SERPINB11: variants seen among roughly 807,000 people sequenced by gnomAD.
SERPINB11 encodes the protein serpin family B member 11.
In SERPINB11, 32 loss-of-function variants were observed where a neutral mutation model predicts 36.7. The ratio of observed to expected loss-of-function variants is 0.87; its 90% confidence interval spans 0.66 to 1.17. SERPINB11 has a LOEUF of 1.17. SERPINB11 is among the 50% of genes most tolerant of loss of function. SERPINB11 has a pLI of 0.00. For missense variants in SERPINB11, 528 were observed against 458.4 expected, an observed-to-expected ratio of 1.15 and a Z score of -1.39; for synonymous variants, 174 against 168.1, an observed-to-expected ratio of 1.04 and a Z score of -0.27.
chr18:63,709,536 A>T (rs901435961), intron 1 of SERPINB11, among the ~76,000 whole-genome samples: 18 of 152,156 alleles, frequency 1.2e-4, no homozygotes, highest in Admixed American at 4.6e-4. Flanking sequence ...GCATGAACCC[A>T]GGAGGCGGAG....
chr18:63,710,705 A>T (rs533235585), intron 2 of SERPINB11, among the ~76,000 whole-genome samples: 27 of 152,202 alleles, frequency 1.8e-4, no homozygotes, highest in Non-Finnish European at 3.4e-4. Context: ...AATAAACATA[A>T]TGCTATTTTA....
chr18:63,707,239 G>A (rs1914394996), intron 1 of SERPINB11, among the ~76,000 whole-genome samples: 1 of 152,176 alleles, frequency 6.6e-6, no homozygotes, highest in Non-Finnish European at 1.5e-5. Flanking sequence ...GCTGAATGGT[G>A]GGCAACCAAC....
intron 1 of SERPINB11, chr18:63,705,250 T>C (rs985621080): frequency 6.6e-6 from 1 of 152,090 alleles, no homozygotes; most frequent in Non-Finnish European, 1.5e-5. Flanking sequence ...ATGTTTTTAA[T>C]TTTTTTGTAG....
chr18:63,715,498 C>T (rs189444274), intron 4 of SERPINB11, among the ~76,000 whole-genome samples: 5 of 152,260 alleles, frequency 3.3e-5, no homozygotes, highest in Non-Finnish European at 7.4e-5. Flanking sequence ...TATTTTTGTT[C>T]ACACTTTACA....
intron 4 of SERPINB11, 126 bp from the exon 5 acceptor site, chr18:63,715,909 C>T (rs550797046): frequency 2.2e-5 from 12 of 551,218 alleles, no homozygotes; most frequent in Non-Finnish European, 3.2e-5. Context: ...ATCCTGTTTC[C>T]TCTCAGACTT....
At chr18:63,711,147 C>T (rs1172484459) in intron 2 of SERPINB11, among the ~76,000 whole-genome samples, 188 bp from the exon 3 acceptor site, 1 of 152,136 alleles carries the variant, frequency 6.6e-6, no homozygotes, top group Non-Finnish European at 1.5e-5. Context: ...AGTATCTACT[C>T]ATAAAGTTGT....
chr18:63,710,122 A>C (rs1312879351), intron 1 of SERPINB11, 57 bp from the exon 2 acceptor site: 16 of 1,383,156 alleles, frequency 1.2e-5, no homozygotes, highest in Non-Finnish European at 1.4e-5. Context: ...ACTGAACTCC[A>C]GATACTATCT....
chr18:63,719,276 T>C (rs1914744294), intron 5 of SERPINB11, among the ~76,000 whole-genome samples: 1 of 152,106 alleles, frequency 6.6e-6, no homozygotes, highest in Admixed American at 6.6e-5. Context: ...AAATATACAT[T>C]GTATGCTTAA....
At position 63,723,476 on chromosome 18, in the gene SERPINB11, G is replaced by A. The variant is rs1337147188; in HGVS notation, c.*77G>A. The A allele has an allele frequency of 3.6e-6, 5 of 1,385,280 alleles. No homozygotes were observed. In the East Asian group the frequency reaches 6.9e-5, roughly 19 times the overall value. The allele number at this position is 1,385,280 out of a possible 1,614,324, so 85.8% of individuals were successfully genotyped here. On this transcript the variant is annotated 3_prime_UTR_variant, in exon 8 of 8. Transcript: ENST00000544088. The stretch of plus-strand genomic sequence containing the variant: ...CCTGTGACTTTCCCACGGCCAAAAA[G>A]CTGTTCACACCTCACACACCTCTGT...
chr18:63,708,389 G>A (rs972811682), intron 1 of SERPINB11, among the ~76,000 whole-genome samples: 10 of 152,204 alleles, frequency 6.6e-5, no homozygotes, highest in African/African-American at 1.2e-4. Flanking sequence ...CAGGAGCACC[G>A]TTCATGCTGT....
chr18:63,720,723 C>A, intron 6 of SERPINB11, 108 bp from the exon 7 acceptor site: 1 of 725,236 alleles, frequency 1.4e-6, no homozygotes, highest in Non-Finnish European at 2.2e-6. Context: ...CTATTTTACC[C>A]ATGCCTTTAG....
intron 1 of SERPINB11, among the ~76,000 whole-genome samples, chr18:63,703,574 A>G (rs1914294585): frequency 6.6e-6 from 1 of 152,220 alleles, no homozygotes; most frequent in African/African-American, 2.4e-5. Context: ...TGTGAAATTC[A>G]CAAAGTTGTA....
intron 2 of SERPINB11, 65 bp from the exon 3 acceptor site, chr18:63,711,270 C>A: frequency 9.1e-7 from 1 of 1,092,986 alleles, no homozygotes; most frequent in South Asian, 1.3e-5. Context: ...ATACTTACAA[C>A]TGTCAACCTT....
chr18:63,713,581 C>T (rs889093105), intron 4 of SERPINB11, among the ~76,000 whole-genome samples: 1 of 152,116 alleles, frequency 6.6e-6, no homozygotes, highest in African/African-American at 2.4e-5. Context: ...CTTGGATAAC[C>T]TATGTGATGA....
chr18:63,705,759 A>G (rs1190937742), intron 1 of SERPINB11: 1 of 152,264 alleles, frequency 6.6e-6, no homozygotes, highest in East Asian at 1.9e-4. Flanking sequence ...TATAACAACA[A>G]CAGGACATAA....
At chr18:63,721,267 A>C (rs1194451529) in intron 7 of SERPINB11, among the ~76,000 whole-genome samples, 2 of 152,246 alleles carry the variant, frequency 1.3e-5, no homozygotes, top group African/African-American at 2.4e-5. Flanking sequence ...GTTGGTTGAT[A>C]GTCGGGGGAC....
At chr18:63,714,925 A>G (rs1914627918) in intron 4 of SERPINB11, among the ~76,000 whole-genome samples, 1 of 152,218 alleles carries the variant, frequency 6.6e-6, no homozygotes. Context: ...ATAAATGTCC[A>G]TGAAATCTTC....
Position 63,711,390 on chromosome 18 carries a change from CT to C in SERPINB11, c.225del (p.Lys76SerfsTer47). 1 of 1,598,704 alleles carries C rather than the reference CT, an allele frequency of 6.3e-7. No homozygotes were observed. The highest frequency in any genetic ancestry group is 8.6e-7 in the Non-Finnish European group (1 of 1,166,682). On this transcript the variant is annotated frameshift_variant, in exon 3 of 8. Transcript: ENST00000544088. LOFTEE classifies it high-confidence loss of function. ...TTAAAACCAGGGTTCAAGGACTCAC[CT>C]AAGGTATGATAATATTACTGAGTTG... ...DSLKPGFKDS[P>X]KCSQAGRIHS... is the part of the protein sequence containing the mutation.
chr18:63,705,828 T>C (rs759674982), intron 1 of SERPINB11: 2 of 152,246 alleles, frequency 1.3e-5, no homozygotes, highest in Admixed American at 6.5e-5. Context: ...GCTTACTTAA[T>C]TCACTAAAAT....
Sources: gnomAD v4.1 joint callset for allele counts (sites outside exome capture counted in the v4.1 genomes callset) on GRCh38, gnomAD v4.1.1 for gene constraint, MANE v1.5 for transcripts, NCBI Gene and HGNC (gene_info 2026-07-23, HGNC 2026-07-21) for gene names.